ZC3H12C: variants seen among roughly 807,000 people sequenced by gnomAD.
The protein encoded by ZC3H12C is zinc finger CCCH-type containing 12C, also known as probable ribonuclease ZC3H12C.
ZC3H12C carries 20 observed loss-of-function variants against 76.3 expected under a neutral mutation model. That is an observed-to-expected ratio of 0.26 (90% CI 0.18 to 0.38). ZC3H12C has a LOEUF of 0.38. Ranked by LOEUF, ZC3H12C falls within the 10% of genes least tolerant of loss-of-function variation. ZC3H12C has a pLI of 1.00. For synonymous variants in ZC3H12C, 352 were observed against 399.6 expected (o/e 0.88, Z 1.42); for missense variants, 874 against 1,086.5 (o/e 0.80, Z 2.75).
intron 1 of ZC3H12C, among the ~76,000 whole-genome samples, chr11:110,120,654 T>G (rs933877323): frequency 6.6e-6 from 1 of 152,146 alleles, no homozygotes; most frequent in Admixed American, 6.6e-5. Context: ...AAATCACAAG[T>G]GTTAATTTAG....
rs542073500 is a variant in ZC3H12C, at chr11:110,168,073, C to T, written c.*2336C>T. On this transcript the variant is annotated 3_prime_UTR_variant, in exon 6 of 6. Transcript: ENST00000278590. ...TTACCATTTTAATTATTTGAACATT[C>T]GCCAAATTTTACATTTATTTAAATG... The T allele has an allele frequency of 2.6e-5, 4 of 152,148 alleles. No individual in the cohort carries two copies. The highest frequency in any genetic ancestry group is 4.4e-5 in the Non-Finnish European group (3 of 67,984). The allele number at this position is 152,148 out of a possible 1,614,324, so 9.4% of individuals were successfully genotyped here.
At chr11:110,097,460 G>C (rs12292731) in intron 1 of ZC3H12C, among the ~76,000 whole-genome samples, 35,332 of 152,100 alleles carry the variant, frequency 0.23, 4,294 homozygotes, top group Middle Eastern at 0.33. Context: ...TCAGCCCTCA[G>C]CTTAGATATC....
chr11:110,097,293 T>C (rs1316706626), intron 1 of ZC3H12C, among the ~76,000 whole-genome samples: 1 of 152,242 alleles, frequency 6.6e-6, no homozygotes, highest in Non-Finnish European at 1.5e-5. Flanking sequence ...GCAGAGCTCA[T>C]AAGCAGATAC....
intron 1 of ZC3H12C, among the ~76,000 whole-genome samples, chr11:110,128,907 AAAAAG>A: frequency 6.6e-6 from 1 of 151,628 alleles, no homozygotes; most frequent in South Asian, 2.1e-4. Context: ...AAAAAAAAAA[AAAAAG>A]AGATAAAGTC....
chr11:110,145,342 A>G (rs1862144074), intron 2 of ZC3H12C, among the ~76,000 whole-genome samples: 1 of 152,212 alleles, frequency 6.6e-6, no homozygotes, highest in African/African-American at 2.4e-5. Context: ...TTACAGAAAA[A>G]TGAAAAATTA....
chr11:110,100,571 C>T (rs888364716), intron 1 of ZC3H12C, among the ~76,000 whole-genome samples: 5 of 152,064 alleles, frequency 3.3e-5, no homozygotes, highest in African/African-American at 4.8e-5. Flanking sequence ...TGGGTCACGT[C>T]GTGGTAGTTC....
chr11:110,098,602 G>A (rs1861157173), intron 1 of ZC3H12C, among the ~76,000 whole-genome samples: 1 of 152,066 alleles, frequency 6.6e-6, no homozygotes, highest in South Asian at 2.1e-4. Flanking sequence ...CCCTATATAG[G>A]TGTACCATTT....
intron 1 of ZC3H12C, among the ~76,000 whole-genome samples, chr11:110,104,831 G>A (rs756749294): frequency 1.3e-5 from 2 of 152,200 alleles, no homozygotes; most frequent in Non-Finnish European, 2.9e-5. Context: ...TAGCAGTGTC[G>A]TTGATTTGAT....
In ZC3H12C at chr11:110,165,864, A is replaced by G; in HGVS notation, c.*127A>G. 1 of 883,474 alleles carries G rather than the reference A, an allele frequency of 1.1e-6. No individual in the cohort carries two copies. Among genetic ancestry groups the G allele is most frequent in the Admixed American group, 2.8e-5 (1 of 35,434 alleles). The allele number at this position is 883,474 out of a possible 1,614,324, so 54.7% of individuals were successfully genotyped here. A position where few individuals can be genotyped will look rare whatever the true frequency, so the allele number is the denominator to read the frequency against. ...GTTATATAGTATCCATTTATGTGAA[A>G]TACTGTATCATGGAATCTGTATGTA... On this transcript the variant is annotated 3_prime_UTR_variant, in exon 6 of 6. Coordinates refer to ENST00000278590, the MANE Select transcript of ZC3H12C (RefSeq NM_033390.2).
intron 3 of ZC3H12C, among the ~76,000 whole-genome samples, chr11:110,158,799 A>G (rs1282698192): frequency 6.6e-6 from 1 of 152,166 alleles, no homozygotes; most frequent in African/African-American, 2.4e-5. Context: ...ATACTCTCCC[A>G]CTAGTTAGAA....
At chr11:110,096,465 T>A (rs1287817597) in intron 1 of ZC3H12C, among the ~76,000 whole-genome samples, 2 of 152,324 alleles carry the variant, frequency 1.3e-5, no homozygotes, top group Non-Finnish European at 2.9e-5. Context: ...CATTTAACCC[T>A]TGAACACCTT....
chr11:110,153,193 G>C, intron 3 of ZC3H12C, 135 bp downstream of exon 3: 1 of 1,174,184 alleles, frequency 8.5e-7, no homozygotes, highest in South Asian at 1.7e-5. Context: ...GTTTTTTGTT[G>C]TTGTTGTTTT....
At chr11:110,115,359 G>A (rs916791611) in intron 1 of ZC3H12C, among the ~76,000 whole-genome samples, 1 of 152,132 alleles carries the variant, frequency 6.6e-6, no homozygotes, top group Non-Finnish European at 1.5e-5. Flanking sequence ...CTAGAGTGCA[G>A]TGGCGTGATC....
At chr11:110,154,068 G>A (rs1176167154) in intron 3 of ZC3H12C, among the ~76,000 whole-genome samples, 1 of 152,082 alleles carries the variant, frequency 6.6e-6, no homozygotes, top group Non-Finnish European at 1.5e-5. Context: ...TACCCAAAGG[G>A]GATGATTAAG....
rs10656341 is a variant in ZC3H12C at position 110,100,212 on chromosome 11, C to CTT, written c.21+6795_21+6796dup. The stretch of plus-strand genomic sequence containing the variant: ...TTTTATTATTAAAAGCTATATGGTA[C>CTT]TTTTTTTTTTTTTTTTGATACAGGG... On this transcript the variant is annotated intron_variant, in intron 1 of 5. Coordinates refer to ENST00000278590, the MANE Select transcript of ZC3H12C (RefSeq NM_033390.2). Among the ~76,000 whole-genome samples, 663 of 134,188 alleles carry CTT rather than the reference C, an allele frequency of 4.9e-3. 29 individuals are homozygous for CTT. Among genetic ancestry groups the CTT allele is most frequent in the African/African-American group, 0.012 (430 of 36,264 alleles). 88.0% of individuals were successfully genotyped at this position (134,188 alleles called of 152,430 possible).
At position 110,159,488 on chromosome 11, in the gene ZC3H12C, CAAGT is replaced by C; in HGVS notation, c.1148+5_1148+8del. The C allele has an allele frequency of 6.3e-7, 1 of 1,598,512 alleles. No homozygotes were observed. The highest frequency in any genetic ancestry group is 8.5e-7 in the Non-Finnish European group (1 of 1,170,816). ...TATTAATGTATTCATTTGTCAATGA[CAAGT>C]AAGTAAAACCATTTACTTGCCAATG... On this transcript the variant is annotated splice_donor_variant and coding_sequence_variant, in exon 4 of 6. Coordinates refer to ENST00000278590, the MANE Select transcript of ZC3H12C (RefSeq NM_033390.2). LOFTEE classifies it high-confidence loss of function.
chr11:110,099,321 A>G (rs1861170630), intron 1 of ZC3H12C, among the ~76,000 whole-genome samples: 1 of 152,206 alleles, frequency 6.6e-6, no homozygotes, highest in Non-Finnish European at 1.5e-5. Context: ...ATTGATATGT[A>G]TAACCATTAA....
chr11:110,124,483 T>A (rs1861704312), intron 1 of ZC3H12C, among the ~76,000 whole-genome samples: 1 of 152,218 alleles, frequency 6.6e-6, no homozygotes, highest in South Asian at 2.1e-4. Flanking sequence ...TACATCCTGG[T>A]TCATAAATAA....
intron 4 of ZC3H12C, among the ~76,000 whole-genome samples, chr11:110,161,115 A>G (rs1862472204): frequency 1.3e-5 from 2 of 152,056 alleles, no homozygotes; most frequent in Admixed American, 6.6e-5. Context: ...AAATGCTGGG[A>G]TTACAGGCAT....
Sources: gnomAD v4.1 joint callset for allele counts (sites outside exome capture counted in the v4.1 genomes callset) on GRCh38, gnomAD v4.1.1 for gene constraint, MANE v1.5 for transcripts, NCBI Gene and HGNC (gene_info 2026-07-23, HGNC 2026-07-21) for gene names.